TASP1: variants seen among roughly 807,000 people sequenced by gnomAD.
The protein encoded by TASP1 is threonine aspartase 1.
Under a neutral mutation model 56.6 loss-of-function variants are expected in TASP1, and 16 were observed. That is an observed-to-expected ratio of 0.28 (90% confidence interval 0.19 to 0.43). The LOEUF (loss-of-function observed/expected upper bound fraction) is 0.43, where lower values mean the gene tolerates loss of function less well. TASP1 is among the 20% of genes least tolerant of loss of function. The pLI, the probability that TASP1 is intolerant of heterozygous loss-of-function variation, is 1.00. For synonymous variants in TASP1, 179 were observed against 184.2 expected (o/e 0.97, Z 0.23); for missense variants, 393 against 511.6 (o/e 0.77, Z 2.24).
chr20:13,212,723 T>C, the TASP1 span, among the ~76,000 whole-genome samples: 7 of 152,310 alleles, frequency 4.6e-5, no homozygotes, highest in South Asian at 1.4e-3. Context: ...CCCAGGTAAA[T>C]AAAGGAAAAT....
At chr20:13,528,296 G>A (rs112660965) in intron 10 of TASP1, 137 bp downstream of exon 10, 15 of 452,586 alleles carry the variant, frequency 3.3e-5, no homozygotes, top group South Asian at 4.7e-5. Flanking sequence ...TTAAAACCTC[G>A]CAAATACTGA....
the TASP1 span, among the ~76,000 whole-genome samples, chr20:13,144,754 TG>T: frequency 1.2e-3 from 1 of 810 alleles, no homozygotes; most frequent in African/African-American, 0.036. Context: ...AGGTCTACTA[TG>T]TGTGTGTGTG....
chr20:13,594,354 C>A (rs1363082754), intron 4 of TASP1, among the ~76,000 whole-genome samples: 1 of 152,178 alleles, frequency 6.6e-6, no homozygotes, highest in Non-Finnish European at 1.5e-5. Context: ...AGCAATGGAA[C>A]AAAGCTGGAT....
At chr20:13,149,123 T>TA in the TASP1 span, among the ~76,000 whole-genome samples, 3 of 152,324 alleles carry the variant, frequency 2.0e-5, no homozygotes, top group East Asian at 5.8e-4. Flanking sequence ...AATAAATACT[T>TA]ACGGAAACTC....
the TASP1 span, among the ~76,000 whole-genome samples, chr20:13,235,960 T>C: frequency 6.6e-6 from 1 of 152,010 alleles, no homozygotes; most frequent in East Asian, 1.9e-4. Context: ...AGTCTCATTG[T>C]GTCACCCAGG....
the TASP1 span, among the ~76,000 whole-genome samples, chr20:13,187,732 C>CAAAAAAAAA: frequency 1.7e-5 from 1 of 57,164 alleles, no homozygotes. Context: ...GACTCCATCT[C>CAAAAAAAAA]AAAAAAAAAA....
chr20:13,105,267 G>A, the TASP1 span, among the ~76,000 whole-genome samples: 29 of 149,574 alleles, frequency 1.9e-4, no homozygotes, highest in Admixed American at 1.3e-3. Context: ...CCTGCAGGAG[G>A]AAAAAAAAAA....
chr20:13,344,333 T>C, the TASP1 span, among the ~76,000 whole-genome samples: 2 of 152,008 alleles, frequency 1.3e-5, no homozygotes, highest in Non-Finnish European at 2.9e-5. Context: ...CAAGCCCAAG[T>C]TTTCCTTCAA....
At chr20:13,617,568 G>A (rs1951621762) in intron 4 of TASP1, among the ~76,000 whole-genome samples, 1 of 152,060 alleles carries the variant, frequency 6.6e-6, no homozygotes, top group Non-Finnish European at 1.5e-5. Flanking sequence ...TGGGGGGCAG[G>A]GGGCGCTGGG....
chr20:13,488,692 A>G (rs1453266991), intron 10 of TASP1, among the ~76,000 whole-genome samples: 1 of 152,078 alleles, frequency 6.6e-6, no homozygotes, highest in Non-Finnish European at 1.5e-5. Flanking sequence ...ACTACCTGAT[A>G]AACTCACACC....
chr20:13,389,817 C>T lies in TASP1; in HGVS notation c.*543G>A, dbSNP rs2041207920. 6.5e-6 allele frequency: 1 copy of T among 153,182 alleles called. No homozygotes were observed. Among genetic ancestry groups the T allele is most frequent in the Non-Finnish European group, 1.5e-5 (1 of 68,594 alleles). 9.5% of individuals were successfully genotyped at this position (153,182 alleles called of 1,614,324 possible). On this transcript the variant is annotated 3_prime_UTR_variant, in exon 14 of 14. Coordinates refer to ENST00000337743, the MANE Select transcript of TASP1 (RefSeq NM_017714.3). ...TGCCCCATATAAGGGATGAGAACAA[C>T]AGTTTAAGTTACCACAGGATCCACT... is the stretch of plus-strand genomic sequence containing the variant.
chr20:13,523,397 C>T (rs571274948), intron 10 of TASP1, among the ~76,000 whole-genome samples: 52 of 152,294 alleles, frequency 3.4e-4, no homozygotes, highest in African/African-American at 1.2e-3. Context: ...CTCCCATTGG[C>T]TCCTGCTGTC....
chr20:13,594,051 C>A (rs1446220280), intron 4 of TASP1, among the ~76,000 whole-genome samples: 2 of 152,202 alleles, frequency 1.3e-5, no homozygotes, highest in East Asian at 3.8e-4. Context: ...ATTTGCTGTT[C>A]TGCAGCCTCT....
chr20:13,422,013 G>A (rs1398276581), intron 12 of TASP1, among the ~76,000 whole-genome samples: 3 of 145,198 alleles, frequency 2.1e-5, no homozygotes, highest in Admixed American at 6.9e-5. Context: ...GTGCAGTGGT[G>A]TGATCTCGGC....
the TASP1 span, among the ~76,000 whole-genome samples, chr20:13,282,249 G>T: frequency 3.9e-4 from 60 of 152,258 alleles, no homozygotes; most frequent in East Asian, 0.01. Flanking sequence ...CTCCGAGGAT[G>T]ACTTCATTGT....
chr20:13,468,210 C>CAAAT (rs60087711), intron 11 of TASP1, among the ~76,000 whole-genome samples: 97,649 of 151,398 alleles, frequency 0.64, 31,687 homozygotes, highest in Non-Finnish European at 0.68. Flanking sequence ...TTAAAACAAA[C>CAAAT]AAAGATACTC....
chr20:13,336,481 C>G, the TASP1 span, among the ~76,000 whole-genome samples: 1 of 152,048 alleles, frequency 6.6e-6, no homozygotes, highest in Non-Finnish European at 1.5e-5. Flanking sequence ...GAGGTTGGGC[C>G]AGCACATCCT....
chr20:13,365,584 T>G, the TASP1 span, among the ~76,000 whole-genome samples: 76 of 152,036 alleles, frequency 5.0e-4, no homozygotes, highest in Non-Finnish European at 9.9e-4. Flanking sequence ...GAGTGACAGG[T>G]GTGAAAACTC....
At chr20:13,158,526 C>T in the TASP1 span, among the ~76,000 whole-genome samples, 1 of 152,186 alleles carries the variant, frequency 6.6e-6, no homozygotes, top group African/African-American at 2.4e-5. Flanking sequence ...GTGGTTTGTA[C>T]TCTAGCAATA....
Sources: gnomAD v4.1 joint callset for allele counts (sites outside exome capture counted in the v4.1 genomes callset) on GRCh38, gnomAD v4.1.1 for gene constraint, MANE v1.5 for transcripts, NCBI Gene and HGNC (gene_info 2026-07-23, HGNC 2026-07-21) for gene names.